Variants in PDE10A observed in about 807,000 individuals in gnomAD.
PDE10A encodes the protein cAMP and cAMP-inhibited cGMP 3',5'-cyclic phosphodiesterase 10A.
In PDE10A, 39 loss-of-function variants were observed where a neutral mutation model predicts 97.7. That is an observed-to-expected ratio of 0.40 (90% CI 0.31 to 0.52). The LOEUF (loss-of-function observed/expected upper bound fraction) is 0.52, where lower values mean the gene tolerates loss of function less well. Among genes scored for constraint, PDE10A ranks in the 20% least tolerant of loss-of-function variants. The pLI is 0.56. For missense variants in PDE10A, 731 were observed against 1,047.8 expected, an observed-to-expected ratio of 0.70 and a Z score of 4.17; for synonymous variants, 371 against 376.8, an observed-to-expected ratio of 0.98 and a Z score of 0.18.
At chr6:165,367,663 A>G (rs1012759443) in intron 18 of PDE10A, among the ~76,000 whole-genome samples, 5 of 43,644 alleles carry the variant, frequency 1.1e-4, no homozygotes, top group African/African-American at 5.6e-4. Flanking sequence ...AGGAGGGGGA[A>G]AAAAAAAAAG....
intron 18 of PDE10A, among the ~76,000 whole-genome samples, chr6:165,375,497 C>T (rs919247837): frequency 1.3e-5 from 2 of 152,056 alleles, no homozygotes; most frequent in African/African-American, 4.8e-5. Flanking sequence ...GAGATTGGTT[C>T]GAGAGGTTTA....
intron 6 of PDE10A, among the ~76,000 whole-genome samples, chr6:165,434,390 A>G (rs1435120168): frequency 6.6e-6 from 1 of 152,184 alleles, no homozygotes; most frequent in Non-Finnish European, 1.5e-5. Flanking sequence ...TCCTATTAGC[A>G]CTTAGAGCAA....
In PDE10A at chr6:165,943,523, A is replaced by C. The variant is rs112265042; in HGVS notation, c.-615+44006T>G. The stretch of plus-strand genomic sequence containing the variant: ...TCAGTCTGAGGTCAAAGGCCTGAGA[A>C]CCTGGGAAGCCACTGGCGTAAGTAC... On this transcript the variant is annotated intron_variant, in intron 1 of 19. Transcript: ENST00000366882. Among the ~76,000 whole-genome samples the C allele has an allele frequency of 1.0e-3, 153 of 152,220 alleles. No homozygotes were observed. The Middle Eastern group carries it at 0.014, about 14-fold the overall frequency.
Position 165,430,356 on chromosome 6 carries a change from A to T in PDE10A, c.1543-11T>A. The T allele has an allele frequency of 2.6e-6, 4 of 1,536,540 alleles. No individual in the cohort carries two copies. Among genetic ancestry groups the T allele is most frequent in the Non-Finnish European group, 3.6e-6 (4 of 1,113,680 alleles). ...AAGGCCTCTGCATACCTACCATATAAAATAATAGGTACAATTACAAGAGAT... is the reference window on the plus strand; with the variant it reads ...AAGGCCTCTGCATACCTACCATATATAATAATAGGTACAATTACAAGAGAT... On this transcript the variant is annotated splice_polypyrimidine_tract_variant and intron_variant, in intron 8 of 21. Transcript: ENST00000539869.
At chr6:165,420,791 C>T (rs1788635923) in intron 10 of PDE10A, among the ~76,000 whole-genome samples, 1 of 152,122 alleles carries the variant, frequency 6.6e-6, no homozygotes, top group South Asian at 2.1e-4. Flanking sequence ...CCTAAAATGG[C>T]TTCAAATATT....
chr6:165,338,649 A>G (rs1781787394), intron 20 of PDE10A, among the ~76,000 whole-genome samples: 1 of 152,224 alleles, frequency 6.6e-6, no homozygotes, highest in Non-Finnish European at 1.5e-5. Flanking sequence ...AACTCTCCAA[A>G]AATATCTTTG....
In PDE10A at chr6:165,391,698, A is replaced by T. The variant is rs961382350; in HGVS notation, c.2454+948T>A. Reference sequence around the variant, plus strand: ...AAAAAGCAACAAAAACTAGAGGATAATTTTTTATTCTTTCTTAAAATGCTA... The same window carrying T: ...AAAAAGCAACAAAAACTAGAGGATATTTTTTTATTCTTTCTTAAAATGCTA... On this transcript the variant is annotated intron_variant, in intron 16 of 21. Coordinates refer to ENST00000539869, the MANE Select transcript of PDE10A (RefSeq NM_001385079.1). Among the ~76,000 whole-genome samples the T allele has an allele frequency of 2.6e-5, 4 of 152,260 alleles. No individual in the cohort carries two copies. In the East Asian group the frequency reaches 7.7e-4, roughly 29 times the overall value.
At position 165,413,516 on chromosome 6, in the gene PDE10A, G is replaced by C; in HGVS notation, c.2061C>G (p.Ala687=). The C allele has an allele frequency of 1.2e-6, 2 of 1,613,276 alleles. No individual in the cohort carries two copies. Among genetic ancestry groups the C allele is most frequent in the Non-Finnish European group, 1.7e-6 (2 of 1,179,220 alleles). Residue 687 remains alanine, a synonymous_variant, in exon 13 of 22, where the codon GCC becomes GCG. Transcript: ENST00000539869. ...FKMFAVFCAL[A]LHCANMYHRI... The stretch of plus-strand genomic sequence containing the variant: ...TAGTACTTACATTAGCACAGTGTAA[G>C]GCTAAAGCACAAAAGACGGCAAACA...
intron 1 of PDE10A, among the ~76,000 whole-genome samples, chr6:165,886,648 C>T (rs944724393): frequency 1.3e-5 from 2 of 152,142 alleles, no homozygotes; most frequent in African/African-American, 4.8e-5. Context: ...TATGTCCCAT[C>T]GAGAATCTGT....
intron 1 of PDE10A, chr6:165,660,072 A>G (rs1192789882): frequency 1.3e-5 from 2 of 152,438 alleles, no homozygotes; most frequent in Non-Finnish European, 2.9e-5. Flanking sequence ...GTCAACTGAG[A>G]AAAGCAGATG....
At chr6:165,900,753 G>A (rs749259603) in intron 1 of PDE10A, among the ~76,000 whole-genome samples, 1 of 152,168 alleles carries the variant, frequency 6.6e-6, no homozygotes, top group African/African-American at 2.4e-5. Context: ...GCTCCAGCTC[G>A]AGGCCAAATT....
chr6:165,461,070 A>G (rs1276720790), intron 3 of PDE10A, among the ~76,000 whole-genome samples: 2 of 144,808 alleles, frequency 1.4e-5, no homozygotes, highest in African/African-American at 5.2e-5. Context: ...TTACTGAACA[A>G]TTAGAAAATG....
chr6:165,371,277 T>C (rs1447771430), intron 18 of PDE10A, among the ~76,000 whole-genome samples: 163 of 151,704 alleles, frequency 1.1e-3, no homozygotes, highest in Middle Eastern at 6.8e-3. Flanking sequence ...TTCAAAAAAT[T>C]AATGAATCCA....
chr6:165,724,598 T>C (rs1028040816), intron 1 of PDE10A, among the ~76,000 whole-genome samples: 1 of 152,210 alleles, frequency 6.6e-6, no homozygotes, highest in African/African-American at 2.4e-5. Flanking sequence ...ATTTTGAAGT[T>C]TCTTTTATCA....
intron 1 of PDE10A, among the ~76,000 whole-genome samples, chr6:165,761,333 G>A (rs993027500): frequency 2.0e-5 from 3 of 152,166 alleles, no homozygotes; most frequent in Admixed American, 1.3e-4. Flanking sequence ...AAGAAATTCA[G>A]GCACACAAAA....
chr6:165,827,750 C>T (rs1015161672), intron 1 of PDE10A, among the ~76,000 whole-genome samples: 15 of 152,120 alleles, frequency 9.9e-5, no homozygotes, highest in African/African-American at 3.1e-4. Flanking sequence ...TTTGGTCACC[C>T]GTCACCCAAG....
At chr6:165,766,876 G>T (rs1327982959) in intron 1 of PDE10A, among the ~76,000 whole-genome samples, 3 of 152,208 alleles carry the variant, frequency 2.0e-5, no homozygotes, top group Non-Finnish European at 4.4e-5. Flanking sequence ...ATCCTAGGTG[G>T]CACAGAGCTT....
At chr6:165,604,210 G>A (rs1042365273) in intron 1 of PDE10A, among the ~76,000 whole-genome samples, 19 of 152,008 alleles carry the variant, frequency 1.2e-4, no homozygotes, top group Non-Finnish European at 2.1e-4. Flanking sequence ...CTATTCATTC[G>A]TCTTCATGGG....
At chr6:165,630,539 G>C (rs1020051364) in intron 1 of PDE10A, among the ~76,000 whole-genome samples, 7 of 152,114 alleles carry the variant, frequency 4.6e-5, no homozygotes, top group African/African-American at 1.7e-4. Context: ...TAAAAGTAGA[G>C]AGACTTGATG....
Sources: gnomAD v4.1 joint callset for allele counts (sites outside exome capture counted in the v4.1 genomes callset) on GRCh38, gnomAD v4.1.1 for gene constraint, MANE v1.5 for transcripts, NCBI Gene and HGNC (gene_info 2026-07-23, HGNC 2026-07-21) for gene names.